Variants in ELAVL1 observed in about 807,000 individuals in gnomAD.
ELAVL1 encodes ELAV-like protein 1.
ELAVL1 carries 1 observed loss-of-function variant against 28.4 expected under a neutral mutation model. The ratio of observed to expected loss-of-function variants is 0.04; its 90% CI spans 0.01 to 0.17. The LOEUF (loss-of-function observed/expected upper bound fraction) is 0.17. Among genes scored for constraint, ELAVL1 ranks in the 10% least tolerant of loss-of-function variants. ELAVL1 has a pLI of 1.00. For synonymous variants in ELAVL1, 174 were observed against 183.5 expected, an observed-to-expected ratio of 0.95 and a Z score of 0.42; for missense variants, 157 against 447.2, an observed-to-expected ratio of 0.35 and a Z score of 5.85.
At chr19:7,977,303 CG>C (rs1394394872) in intron 3 of ELAVL1, among the ~76,000 whole-genome samples, 9 of 152,208 alleles carry the variant, frequency 5.9e-5, no homozygotes, top group Admixed American at 5.2e-4. Context: ...ATACAGCACC[CG>C]GTTTCACACC....
At chr19:8,002,441 C>T (rs1029434773) in intron 1 of ELAVL1, among the ~76,000 whole-genome samples, 1 of 152,200 alleles carries the variant, frequency 6.6e-6, no homozygotes, top group Non-Finnish European at 1.5e-5. Context: ...GACACAGCAG[C>T]GGAGCAGGGA....
intron 2 of ELAVL1, among the ~76,000 whole-genome samples, chr19:7,991,285 G>A (rs1020998781): frequency 2.0e-5 from 3 of 152,136 alleles, no homozygotes; most frequent in African/African-American, 7.2e-5. Context: ...CACTCGCCAG[G>A]GTCCCTTCCA....
At chr19:8,005,051 G>A (rs542066317) in intron 1 of ELAVL1, among the ~76,000 whole-genome samples, 1 of 152,162 alleles carries the variant, frequency 6.6e-6, no homozygotes, top group Admixed American at 6.5e-5. Context: ...CGCACCGGCC[G>A]CGGTGCTCTG....
At chr19:7,980,770 C>T (rs548994503) in intron 3 of ELAVL1, among the ~76,000 whole-genome samples, 1 of 152,260 alleles carries the variant, frequency 6.6e-6, no homozygotes, top group South Asian at 2.1e-4. Context: ...CCCCAAGGAG[C>T]GCAGAGGGAG....
At chr19:8,004,010 A>G (rs375646660) in intron 1 of ELAVL1, among the ~76,000 whole-genome samples, 23 of 152,316 alleles carry the variant, frequency 1.5e-4, no homozygotes, top group African/African-American at 5.1e-4. Flanking sequence ...ACCCTGGCGC[A>G]GCCACTTTAG....
intron 1 of ELAVL1, among the ~76,000 whole-genome samples, chr19:7,992,676 C>A (rs1397428148): frequency 6.6e-6 from 1 of 152,084 alleles, no homozygotes; most frequent in African/African-American, 2.4e-5. Context: ...GTGGATGTGA[C>A]AATACATGTT....
rs1984730126 is a variant in ELAVL1 at position 7,958,915 on chromosome 19, CAA to C, written c.*4566_*4567del. The C allele has an allele frequency of 1.3e-5, 2 of 153,634 alleles. No homozygotes were observed. Among genetic ancestry groups the C allele is most frequent in the South Asian group, 4.1e-4 (2 of 4,828 alleles). 9.5% of individuals were successfully genotyped at this position (153,634 alleles called of 1,614,324 possible). A position where few individuals can be genotyped will look rare whatever the true frequency, so the allele number is the denominator to read the frequency against. On this transcript the variant is annotated 3_prime_UTR_variant, in exon 6 of 6. Coordinates refer to ENST00000407627, the MANE Select transcript of ELAVL1 (RefSeq NM_001419.3). ...TCATTCTCTTTGAGAAAGCCATTGA[CAA>C]AAAATATTCACACTTCACTAAAATT...
Position 7,981,653 on chromosome 19 carries a change from G to A in ELAVL1, c.173-467C>T, listed in dbSNP as rs779027134. Among the ~76,000 whole-genome samples the A allele has an allele frequency of 5.3e-5, 8 of 152,136 alleles. No individual in the cohort carries two copies. The highest frequency in any genetic ancestry group is 4.4e-5 in the Non-Finnish European group (3 of 68,046). On this transcript the variant is annotated intron_variant, in intron 2 of 5. Coordinates refer to ENST00000407627, the MANE Select transcript of ELAVL1 (RefSeq NM_001419.3). The surrounding 1 kb of genome is among the most constrained non-coding windows in gnomAD (Gnocchi z 4.2). Reference sequence around the variant, plus strand: ...CCCAAAGTGTTGGGATTACAGATGTGAGCCACTGAGCCTGGCCAAGAGGTT... The same window carrying A: ...CCCAAAGTGTTGGGATTACAGATGTAAGCCACTGAGCCTGGCCAAGAGGTT...
chr19:7,995,747 A>G (rs1175387471), intron 1 of ELAVL1, among the ~76,000 whole-genome samples: 2 of 151,984 alleles, frequency 1.3e-5, no homozygotes, highest in Non-Finnish European at 2.9e-5. Context: ...GGCTGGGGAA[A>G]GATTTCTCAG....
chr19:7,970,456 A>C (rs1985076515), intron 4 of ELAVL1, among the ~76,000 whole-genome samples: 1 of 148,030 alleles, frequency 6.8e-6, no homozygotes, highest in Non-Finnish European at 1.5e-5. Flanking sequence ...TGCCCGGCCT[A>C]TTTTTAGTAC....
rs138314149 is a variant in ELAVL1, at chr19:7,965,035, C to A, written c.657-1228G>T. ...TCAAGCGCTGTTAAACAGATTCACC[C>A]TCTCGACAGACACGAGAGGACACCA... On this transcript the variant is annotated intron_variant, in intron 5 of 5. Coordinates refer to ENST00000407627, the MANE Select transcript of ELAVL1 (RefSeq NM_001419.3). 5.9e-5 allele frequency among the ~76,000 whole-genome samples: 9 copies of A among 152,374 alleles called. No individual in the cohort carries two copies. The East Asian group carries it at 1.7e-3, about 29-fold the overall frequency.
rs1253201344 is a variant in ELAVL1 at position 7,963,031 on chromosome 19, T to C, written c.*452A>G. ...TCCTGTCAACCAAAGCATACATCGC[T>C]TACAATGTTGAAGCGGTTGAGAAAA... On this transcript the variant is annotated 3_prime_UTR_variant, in exon 6 of 6. Coordinates refer to ENST00000407627, the MANE Select transcript of ELAVL1 (RefSeq NM_001419.3). The surrounding 1 kb of genome is among the most constrained non-coding windows in gnomAD (Gnocchi z 4.5). 1 of 159,916 alleles carries C rather than the reference T, an allele frequency of 6.3e-6. No individual in the cohort carries two copies. Among genetic ancestry groups the C allele is most frequent in the Admixed American group, 6.1e-5 (1 of 16,340 alleles). 9.9% of individuals were successfully genotyped at this position (159,916 alleles called of 1,614,324 possible). A position where few individuals can be genotyped will look rare whatever the true frequency, so the allele number is the denominator to read the frequency against.
chr19:7,985,918 GC>G (rs1985589612), intron 2 of ELAVL1, among the ~76,000 whole-genome samples: 1 of 152,176 alleles, frequency 6.6e-6, no homozygotes, highest in Non-Finnish European at 1.5e-5. Flanking sequence ...GCTGCTGCTG[GC>G]CCAGGGACTG....
At chr19:8,000,902 G>A (rs1304917863) in intron 1 of ELAVL1, among the ~76,000 whole-genome samples, 1 of 152,258 alleles carries the variant, frequency 6.6e-6, no homozygotes, top group African/African-American at 2.4e-5. Flanking sequence ...AAGGGCTCTG[G>A]CTTCTTTCTG....
intron 1 of ELAVL1, among the ~76,000 whole-genome samples, chr19:7,992,677 A>G (rs1266997599): frequency 6.6e-6 from 1 of 152,230 alleles, no homozygotes; most frequent in Non-Finnish European, 1.5e-5. Flanking sequence ...TGGATGTGAC[A>G]ATACATGTTT....
intron 4 of ELAVL1, among the ~76,000 whole-genome samples, chr19:7,971,875 C>G (rs539046535): frequency 6.6e-6 from 1 of 152,318 alleles, no homozygotes; most frequent in East Asian, 1.9e-4. Context: ...CCGCCCACCC[C>G]AAAGCACGCA....
intron 3 of ELAVL1, among the ~76,000 whole-genome samples, chr19:7,978,843 G>A (rs1985376431): frequency 6.6e-6 from 1 of 152,180 alleles, no homozygotes; most frequent in Non-Finnish European, 1.5e-5. Flanking sequence ...TGGGTGACTG[G>A]TGTCAGAATA....
At position 7,981,008 on chromosome 19, in the gene ELAVL1, G is replaced by T; in HGVS notation, c.276+75C>A. On this transcript the variant is annotated intron_variant, in intron 3 of 5. Coordinates refer to ENST00000407627, the MANE Select transcript of ELAVL1 (RefSeq NM_001419.3). This position sits in a 1 kb window ranked among gnomAD's most constrained non-coding sequence, Gnocchi z 4.2. ...GCTCATAGTCCCTTGGAGAGTGACT[G>T]TGAGGCTGGGCGGGGCTCAGCACAG... 1 of 1,446,238 alleles carries T rather than the reference G, an allele frequency of 6.9e-7. No individual in the cohort carries two copies. The highest frequency in any genetic ancestry group is 9.7e-7 in the Non-Finnish European group (1 of 1,029,736). The allele number at this position is 1,446,238 out of a possible 1,614,324, so 89.6% of individuals were successfully genotyped here. A position where few individuals can be genotyped will look rare whatever the true frequency, so the allele number is the denominator to read the frequency against.
intron 4 of ELAVL1, chr19:7,973,223 C>G (rs1985170738): frequency 5.8e-6 from 1 of 172,446 alleles, no homozygotes; most frequent in Non-Finnish European, 1.2e-5. Context: ...CTGGCCTAAT[C>G]CCCAGCTTTT....
Sources: gnomAD v4.1 joint callset for allele counts (sites outside exome capture counted in the v4.1 genomes callset) on GRCh38, gnomAD v4.1.1 for gene constraint, Gnocchi (gnomAD v3.1) non-coding constraint, MANE v1.5 for transcripts, NCBI Gene and HGNC (gene_info 2026-07-23, HGNC 2026-07-21) for gene names.